The following RAPGEF5 variants were observed in gnomAD, a reference collection of about 807,000 sequenced individuals.
RAPGEF5 encodes the protein Rap guanine nucleotide exchange factor 5, also known as M-Ras-regulated GEF.
RAPGEF5 carries 65 observed loss-of-function variants against 125.2 expected under a neutral mutation model. The observed-to-expected ratio is 0.52, with a 90% CI of 0.43 to 0.64. The LOEUF is 0.64. RAPGEF5 is among the 30% of genes least tolerant of loss of function. The probability of loss-of-function intolerance (pLI) is 0.00; values close to 1 mark genes in which losing one functional copy is unlikely to be tolerated. For synonymous variants in RAPGEF5, 391 were observed against 385.9 expected (o/e 1.01, Z -0.16); for missense variants, 958 against 1,048.1 (o/e 0.91, Z 1.19).
chr7:22,265,113 A>G (rs536306752), intron 7 of RAPGEF5, among the ~76,000 whole-genome samples: 5 of 152,214 alleles, frequency 3.3e-5, no homozygotes, highest in African/African-American at 9.6e-5. Context: ...TATCATTTGT[A>G]TTGAGAACAT....
intron 20 of RAPGEF5, among the ~76,000 whole-genome samples, chr7:22,144,403 G>A (rs138968008): frequency 1.3e-4 from 20 of 152,320 alleles, no homozygotes; most frequent in South Asian, 4.1e-4. Flanking sequence ...TTTGAAAATC[G>A]GGTAACTTCA....
At chr7:22,173,689 G>A (rs1047990986) in intron 11 of RAPGEF5, among the ~76,000 whole-genome samples, 1 of 152,156 alleles carries the variant, frequency 6.6e-6, no homozygotes, top group African/African-American at 2.4e-5. Flanking sequence ...TCTTAGCTAT[G>A]CTTAATTCTA....
intron 21 of RAPGEF5, among the ~76,000 whole-genome samples, chr7:22,137,479 C>G (rs1243800644): frequency 3.9e-5 from 6 of 152,134 alleles, no homozygotes; most frequent in Admixed American, 6.6e-5. Context: ...AAGAGCTCAA[C>G]CATAACAGGT....
At chr7:22,208,400 C>G (rs1338748645) in intron 9 of RAPGEF5, among the ~76,000 whole-genome samples, 1 of 152,180 alleles carries the variant, frequency 6.6e-6, no homozygotes, top group Non-Finnish European at 1.5e-5. Context: ...TCTATCTTCA[C>G]TAGTATAACT....
intron 20 of RAPGEF5, 96 bp downstream of exon 20, chr7:22,144,948 A>G: frequency 7.2e-7 from 1 of 1,384,926 alleles, no homozygotes; most frequent in Non-Finnish European, 9.7e-7. Context: ...ACACGTTTAT[A>G]TCCCAACCCT....
chr7:22,255,181 T>C (rs770069600), intron 7 of RAPGEF5, among the ~76,000 whole-genome samples: 4 of 152,172 alleles, frequency 2.6e-5, no homozygotes, highest in African/African-American at 7.2e-5. Flanking sequence ...TCTTTGAACA[T>C]AGGAATCAAA....
chr7:22,161,299 G>A (rs992869539), intron 13 of RAPGEF5, among the ~76,000 whole-genome samples: 5 of 152,140 alleles, frequency 3.3e-5, no homozygotes, highest in Non-Finnish European at 7.4e-5. Flanking sequence ...CCAACACTTT[G>A]GGAGGCTGAG....
chr7:22,158,327 G>T (rs1281571535), intron 14 of RAPGEF5, among the ~76,000 whole-genome samples: 3 of 152,184 alleles, frequency 2.0e-5, no homozygotes, highest in African/African-American at 7.2e-5. Flanking sequence ...TCTCCAGGAT[G>T]TGTCTCTGTG....
intron 7 of RAPGEF5, among the ~76,000 whole-genome samples, chr7:22,257,423 A>G (rs1366781395): frequency 6.6e-6 from 1 of 152,184 alleles, no homozygotes; most frequent in Non-Finnish European, 1.5e-5. Flanking sequence ...ACAGTCACTG[A>G]CTCATTAATG....
intron 11 of RAPGEF5, among the ~76,000 whole-genome samples, chr7:22,171,862 C>T (rs1217050482): frequency 6.6e-6 from 1 of 152,124 alleles, no homozygotes; most frequent in Non-Finnish European, 1.5e-5. Context: ...ATTGGCTTAT[C>T]AATAAATTTT....
intron 12 of RAPGEF5, among the ~76,000 whole-genome samples, chr7:22,165,474 C>T (rs989977570): frequency 3.3e-5 from 5 of 152,140 alleles, no homozygotes; most frequent in African/African-American, 1.2e-4. Context: ...AAAATCTTAT[C>T]GCTATTGCTA....
chr7:22,188,025 G>T (rs1171180798), intron 11 of RAPGEF5, among the ~76,000 whole-genome samples: 1 of 152,104 alleles, frequency 6.6e-6, no homozygotes, highest in Non-Finnish European at 1.5e-5. Flanking sequence ...AAGCTACACT[G>T]GTCTGTTTAT....
At chr7:22,173,889 C>T (rs1409918481) in intron 11 of RAPGEF5, among the ~76,000 whole-genome samples, 1 of 152,126 alleles carries the variant, frequency 6.6e-6, no homozygotes, top group Non-Finnish European at 1.5e-5. Flanking sequence ...ACAATTGCAG[C>T]CCATTCATGG....
At chr7:22,180,482 G>A (rs556217122) in intron 11 of RAPGEF5, among the ~76,000 whole-genome samples, 81 of 152,204 alleles carry the variant, frequency 5.3e-4, no homozygotes, top group Middle Eastern at 3.4e-3. Flanking sequence ...TGTCCATCAG[G>A]GCCCAGGAAA....
intron 5 of RAPGEF5, among the ~76,000 whole-genome samples, chr7:22,306,769 T>A (rs992299676): frequency 6.6e-6 from 1 of 152,218 alleles, no homozygotes; most frequent in Non-Finnish European, 1.5e-5. Context: ...TTCTTCTGCA[T>A]GTGGATAGCC....
chr7:22,314,002 T>A (rs1004772596), intron 3 of RAPGEF5, among the ~76,000 whole-genome samples: 3 of 152,202 alleles, frequency 2.0e-5, no homozygotes, highest in African/African-American at 4.8e-5. Context: ...AAGAGCTCCG[T>A]GAGTCCATAC....
intron 8 of RAPGEF5, among the ~76,000 whole-genome samples, chr7:22,224,187 C>A (rs1785858264): frequency 6.6e-6 from 1 of 152,134 alleles, no homozygotes; most frequent in Non-Finnish European, 1.5e-5. Context: ...CCTAGCCATC[C>A]TCCTTAGGGC....
intron 16 of RAPGEF5, among the ~76,000 whole-genome samples, chr7:22,156,607 G>A: frequency 6.6e-6 from 1 of 152,176 alleles, no homozygotes; most frequent in East Asian, 1.9e-4. Flanking sequence ...AAGTATCCTT[G>A]GTGCTTGGGA....
At position 22,165,343 on chromosome 7, in the gene RAPGEF5, T is replaced by C. The variant is rs868380151; in HGVS notation, c.1283+1727A>G. ...ATGTAGTTTAAAGGCATCTCATTTG[T>C]TATAAGTATATTTTATATTACTTAA... On this transcript the variant is annotated intron_variant, in intron 12 of 25. Transcript: ENST00000665637. Among the ~76,000 whole-genome samples, 8 of 152,330 alleles carry C rather than the reference T, an allele frequency of 5.3e-5. 1 individual carries two copies. The Middle Eastern group carries it at 0.017, about 324-fold the overall frequency.
Sources: gnomAD v4.1 joint callset for allele counts (sites outside exome capture counted in the v4.1 genomes callset) on GRCh38, gnomAD v4.1.1 for gene constraint, MANE v1.5 for transcripts, NCBI Gene and HGNC (gene_info 2026-07-23, HGNC 2026-07-21) for gene names.